The following GABRA4 variants were observed in gnomAD, a reference collection of about 807,000 sequenced individuals.
GABRA4 encodes gamma-aminobutyric acid receptor subunit alpha-4.
A neutral mutation model predicts 49.7 loss-of-function variants in GABRA4; 12 were observed. That is an observed-to-expected ratio of 0.24 (90% CI 0.15 to 0.39). The LOEUF is 0.39. GABRA4 is among the 10% of genes least tolerant of loss of function. GABRA4 has a pLI of 1.00. For missense variants in GABRA4, 506 were observed against 686.0 expected (o/e 0.74, Z 2.93); for synonymous variants, 288 against 240.2 (o/e 1.20, Z -1.84).
chr4:46,959,305 A>G (rs1284606556), intron 8 of GABRA4, among the ~76,000 whole-genome samples: 2 of 151,976 alleles, frequency 1.3e-5, no homozygotes, highest in East Asian at 3.9e-4. Flanking sequence ...TCTTTAGACC[A>G]CAGATAGTCT....
intron 2 of GABRA4, among the ~76,000 whole-genome samples, chr4:46,984,935 A>G: frequency 6.6e-6 from 1 of 152,038 alleles, no homozygotes; most frequent in African/African-American, 2.4e-5. Context: ...TTCTTGATAT[A>G]TATGCAAAAG....
At chr4:46,964,621 A>T (rs921798186) in intron 8 of GABRA4, among the ~76,000 whole-genome samples, 3 of 151,428 alleles carry the variant, frequency 2.0e-5, no homozygotes, top group African/African-American at 7.2e-5. Context: ...GCTTTGCACA[A>T]TGAACTCTAT....
chr4:46,946,208 A>T (rs1229716731), intron 8 of GABRA4, among the ~76,000 whole-genome samples: 5 of 152,138 alleles, frequency 3.3e-5, no homozygotes, highest in Admixed American at 6.6e-5. Context: ...CTGCATTTGT[A>T]GCATTTTATA....
At position 46,924,705 on chromosome 4, in the gene GABRA4, TTAAAG is replaced by T. The variant is rs1721148308; in HGVS notation, c.*3515_*3519del. 2 of 152,024 alleles carry T rather than the reference TTAAAG, an allele frequency of 1.3e-5. No homozygotes were observed. The highest frequency in any genetic ancestry group is 4.1e-4 in the South Asian group (2 of 4,834). 9.4% of individuals were successfully genotyped at this position (152,024 alleles called of 1,614,324 possible). A position where few individuals can be genotyped will look rare whatever the true frequency, so the allele number is the denominator to read the frequency against. On this transcript the variant is annotated 3_prime_UTR_variant, in exon 9 of 9. Transcript: ENST00000264318. ...CCTTAGTTTGAAGCAAGCAATGAAC[TTAAAG>T]TAATCAAGCAGTAGAACTAAATTTT... is the stretch of plus-strand genomic sequence containing the variant.
At chr4:46,935,790 A>C (rs1384983789) in intron 8 of GABRA4, among the ~76,000 whole-genome samples, 1 of 152,230 alleles carries the variant, frequency 6.6e-6, no homozygotes, top group African/African-American at 2.4e-5. Flanking sequence ...CACGTTCTGC[A>C]CATGCATCCC....
At chr4:46,970,143 G>A (rs1241077479) in intron 7 of GABRA4, among the ~76,000 whole-genome samples, 1 of 151,376 alleles carries the variant, frequency 6.6e-6, no homozygotes, top group African/African-American at 2.4e-5. Flanking sequence ...TGAAAAGGAT[G>A]GGGAGGTAGG....
intron 7 of GABRA4, among the ~76,000 whole-genome samples, chr4:46,966,931 A>G (rs1722782957): frequency 6.6e-6 from 1 of 151,736 alleles, no homozygotes; most frequent in Non-Finnish European, 1.5e-5. Flanking sequence ...TATATTGTGA[A>G]TTTATTGGGT....
chr4:46,960,946 C>A (rs1722551166), intron 8 of GABRA4, among the ~76,000 whole-genome samples: 1 of 151,558 alleles, frequency 6.6e-6, no homozygotes, highest in Non-Finnish European at 1.5e-5. Flanking sequence ...GTTTCCATGA[C>A]AAGAATCTTC....
In GABRA4 at chr4:46,937,634, C is replaced by A. The variant is rs189857459; in HGVS notation, c.1135-8879G>T. Among the ~76,000 whole-genome samples, 1,262 of 152,190 alleles carry A rather than the reference C, an allele frequency of 8.3e-3. 12 individuals carry two copies. The highest frequency in any genetic ancestry group is 0.014 in the Middle Eastern group (4 of 294). On this transcript the variant is annotated intron_variant, in intron 8 of 8. Coordinates refer to ENST00000264318, the MANE Select transcript of GABRA4 (RefSeq NM_000809.4). ...TTTGACAAGAATTAAGCATTAATTT[C>A]TTTTTAATATTTTTACTTGTGGTTG...
At chr4:46,937,258 C>A (rs1394887731) in intron 8 of GABRA4, among the ~76,000 whole-genome samples, 1 of 152,168 alleles carries the variant, frequency 6.6e-6, no homozygotes, top group African/African-American at 2.4e-5. Context: ...GAAACCAAAC[C>A]CTGTTGGAAC....
At chr4:46,959,080 G>A (rs111602200) in intron 8 of GABRA4, among the ~76,000 whole-genome samples, 3,890 of 151,946 alleles carry the variant, frequency 0.026, 64 homozygotes, top group Middle Eastern at 0.068. Flanking sequence ...CTAGTTATAC[G>A]TTGTAACATT....
At chr4:46,976,168 T>G (rs1477344112) in intron 5 of GABRA4, among the ~76,000 whole-genome samples, 5 of 151,670 alleles carry the variant, frequency 3.3e-5, no homozygotes, top group African/African-American at 1.2e-4. Flanking sequence ...GAATCTCATA[T>G]TGTTTTCTAT....
rs772395680 is a variant in GABRA4 at position 46,979,019 on chromosome 4, G to T, written c.273+12C>A. Reference sequence around the variant, plus strand: ...AGTCTCAAAAGGTACATTAAACTTCGAAAATACCTACCATTTCAACATCAG... The same window carrying T: ...AGTCTCAAAAGGTACATTAAACTTCTAAAATACCTACCATTTCAACATCAG... On this transcript the variant is annotated intron_variant, in intron 3 of 8. Coordinates refer to ENST00000264318, the MANE Select transcript of GABRA4 (RefSeq NM_000809.4). 7 of 1,586,672 alleles carry T rather than the reference G, an allele frequency of 4.4e-6. No individual in the cohort carries two copies. Among genetic ancestry groups the T allele is most frequent in the Non-Finnish European group, 5.2e-6 (6 of 1,157,094 alleles).
intron 8 of GABRA4, among the ~76,000 whole-genome samples, chr4:46,931,919 C>G (rs535890606): frequency 8.3e-4 from 127 of 152,268 alleles, no homozygotes; most frequent in African/African-American, 3.0e-3. Flanking sequence ...GCGTAATCAA[C>G]ATCAACAGAA....
At chr4:46,935,217 T>C (rs1416521659) in intron 8 of GABRA4, among the ~76,000 whole-genome samples, 1 of 152,122 alleles carries the variant, frequency 6.6e-6, no homozygotes, top group Non-Finnish European at 1.5e-5. Context: ...GGCTCCCAAA[T>C]AAGACAGACC....
chr4:46,970,096 C>G (rs1722897038), intron 7 of GABRA4, among the ~76,000 whole-genome samples: 2 of 151,280 alleles, frequency 1.3e-5, no homozygotes, highest in Non-Finnish European at 3.0e-5. Context: ...TATTTCAGAT[C>G]CATTGAGGAC....
chr4:46,988,246 A>G (rs1723611613), intron 2 of GABRA4, among the ~76,000 whole-genome samples: 1 of 151,994 alleles, frequency 6.6e-6, no homozygotes, highest in Non-Finnish European at 1.5e-5. Context: ...ATTTTCATGT[A>G]ATTATTTTAT....
intron 2 of GABRA4, among the ~76,000 whole-genome samples, chr4:46,980,693 A>G (rs1364811284): frequency 6.6e-6 from 1 of 152,106 alleles, no homozygotes; most frequent in Non-Finnish European, 1.5e-5. Flanking sequence ...TGGAGACAAC[A>G]ACAGCAAAAC....
rs1259971600 is a variant in GABRA4, at chr4:46,920,322, C to A, written c.*7903G>T. The A allele has an allele frequency of 6.6e-6, 1 of 151,482 alleles. No individual in the cohort carries two copies. Among genetic ancestry groups the A allele is most frequent in the African/African-American group, 2.4e-5 (1 of 41,310 alleles). The allele number at this position is 151,482 out of a possible 1,614,324, so 9.4% of individuals were successfully genotyped here. The stretch of plus-strand genomic sequence containing the variant: ...AATTGGTAATATCTTATATTGCCAA[C>A]AACATAACTTTGTTCAGGTATTTGC... On this transcript the variant is annotated 3_prime_UTR_variant, in exon 9 of 9. Coordinates refer to ENST00000264318, the MANE Select transcript of GABRA4 (RefSeq NM_000809.4).
Sources: allele counts gnomAD v4.1 joint callset (sites outside exome capture counted in the v4.1 genomes callset), GRCh38; gene constraint gnomAD v4.1.1; transcripts MANE v1.5; gene names NCBI Gene and HGNC (gene_info 2026-07-23, HGNC 2026-07-21).